The following TJP1 variants were observed in gnomAD, a reference collection of about 807,000 sequenced individuals.
TJP1 encodes the protein tight junction protein ZO-1.
A neutral mutation model predicts 194.2 loss-of-function variants in TJP1; 43 were observed. The ratio of observed to expected loss-of-function variants is 0.22; its 90% CI spans 0.17 to 0.29. The LOEUF (loss-of-function observed/expected upper bound fraction) is 0.29. Among genes scored for constraint, TJP1 ranks in the 10% least tolerant of loss-of-function variants. The pLI is 1.00. For missense variants in TJP1, 1,971 were observed against 2,185.7 expected (o/e 0.90, Z 1.96); for synonymous variants, 801 against 779.0 (o/e 1.03, Z -0.47).
intron 2 of TJP1, among the ~76,000 whole-genome samples, chr15:29,800,116 AATTGAT>A (rs2048686548): frequency 6.6e-6 from 1 of 152,210 alleles, no homozygotes; most frequent in Admixed American, 6.5e-5. Flanking sequence ...CCAGAATTCA[AATTGAT>A]AGCAGTCTCA....
intron 2 of TJP1, among the ~76,000 whole-genome samples, chr15:29,800,265 G>C (rs1179171507): frequency 2.0e-5 from 3 of 152,104 alleles, no homozygotes; most frequent in Admixed American, 2.0e-4. Flanking sequence ...TATCTTTTAG[G>C]ATTTTATTAT....
intron 2 of TJP1, among the ~76,000 whole-genome samples, chr15:29,858,910 C>T (rs1001538074): frequency 6.6e-6 from 1 of 152,030 alleles, no homozygotes; most frequent in Non-Finnish European, 1.5e-5. Context: ...CCAGGCTTGT[C>T]TCAAACTCCT....
chr15:29,816,575 C>T (rs1389206053), intron 1 of TJP1, among the ~76,000 whole-genome samples: 5 of 152,172 alleles, frequency 3.3e-5, no homozygotes, highest in African/African-American at 1.2e-4. Context: ...ACTTCAGTGA[C>T]TTCTCACAAA....
At chr15:29,875,127 T>C (rs1307032997) in intron 2 of TJP1, among the ~76,000 whole-genome samples, 1 of 152,184 alleles carries the variant, frequency 6.6e-6, no homozygotes, top group Non-Finnish European at 1.5e-5. Context: ...ACCCATCAGT[T>C]ACCTAGCAGT....
At position 29,855,493 on chromosome 15, in the gene TJP1, G is replaced by A. The variant is rs184124778; in HGVS notation, c.307-54791C>T. Among the ~76,000 whole-genome samples, 14 of 152,166 alleles carry A rather than the reference G, an allele frequency of 9.2e-5. No individual in the cohort carries two copies. In the East Asian group the frequency reaches 2.1e-3, roughly 23 times the overall value. The stretch of plus-strand genomic sequence containing the variant: ...TTGTATACATGTATCAAAATAGCAC[G>A]TGTAGCTCCAAAATATGTCAACTAT... On this transcript the variant is annotated intron_variant, in intron 2 of 28. Coordinates refer to the TJP1 transcript ENST00000356107.
At position 29,822,034 on chromosome 15, in the gene TJP1, C is replaced by G. The variant is rs1471320975; in HGVS notation, c.-6G>C. 1 of 1,349,058 alleles carries G rather than the reference C, an allele frequency of 7.4e-7. No individual in the cohort carries two copies. The highest frequency in any genetic ancestry group is 9.6e-7 in the Non-Finnish European group (1 of 1,047,068). 83.6% of individuals were successfully genotyped at this position (1,349,058 alleles called of 1,614,324 possible). ...GCCGCAGCTCTGGCGGACATCTTGT[C>G]TCTCTCCAGCGCCGCGCGAGGCTCC... On this transcript the variant is annotated 5_prime_UTR_variant, in exon 1 of 28. Transcript: ENST00000614355.
chr15:29,845,727 C>A (rs890055327), intron 2 of TJP1, among the ~76,000 whole-genome samples: 6 of 152,248 alleles, frequency 3.9e-5, no homozygotes, highest in African/African-American at 1.4e-4. Context: ...TGGCGTGAAA[C>A]CGGGAGGCGG....
intron 2 of TJP1, among the ~76,000 whole-genome samples, chr15:29,797,202 G>A (rs374026598): frequency 2.0e-5 from 3 of 152,282 alleles, no homozygotes; most frequent in African/African-American, 7.2e-5. Context: ...ATGCTGGAGT[G>A]CAGTGGCACG....
intron 2 of TJP1, among the ~76,000 whole-genome samples, chr15:29,869,589 A>C (rs961168628): frequency 6.6e-6 from 1 of 152,020 alleles, no homozygotes; most frequent in Admixed American, 6.6e-5. Flanking sequence ...CATCCTTCCT[A>C]CTGTGGTCAA....
At chr15:29,911,130 T>G (rs1305684717) in intron 2 of TJP1, among the ~76,000 whole-genome samples, 2 of 152,190 alleles carry the variant, frequency 1.3e-5, no homozygotes, top group East Asian at 3.8e-4. Context: ...CATTGGTATC[T>G]CTCATGAAAC....
At chr15:29,936,530 C>G (rs1043854615) in intron 2 of TJP1, among the ~76,000 whole-genome samples, 2 of 152,144 alleles carry the variant, frequency 1.3e-5, no homozygotes, top group Non-Finnish European at 2.9e-5. Context: ...GCCGGCTCTC[C>G]AAACTGAGGC....
chr15:29,803,813 A>C (rs1281072530), intron 1 of TJP1, among the ~76,000 whole-genome samples: 1 of 152,116 alleles, frequency 6.6e-6, no homozygotes, highest in Non-Finnish European at 1.5e-5. Context: ...CATCAAAATC[A>C]ATATAGTTTT....
intron 1 of TJP1, among the ~76,000 whole-genome samples, chr15:29,961,168 C>T (rs1464926120): frequency 3.9e-5 from 6 of 152,094 alleles, no homozygotes; most frequent in Admixed American, 1.3e-4. Context: ...CCTGGTACTA[C>T]TCTTCCCCAG....
At position 29,705,638 on chromosome 15, in the gene TJP1, C is replaced by T. The variant is rs1423521338; in HGVS notation, c.4958G>A (p.Gly1653Asp). 6.2e-7 allele frequency: 1 copy of T among 1,614,198 alleles called. No homozygotes were observed. Among genetic ancestry groups the T allele is most frequent in the South Asian group, 1.1e-5 (1 of 91,090 alleles). The change falls in exon 26 of 28, where the codon GGT becomes GAT. Residue 1653 changes from glycine to aspartate, a missense_variant. By Grantham distance (94) the Gly-to-Asp change is moderately conservative. Transcript: ENST00000614355. ...NGGVLSSIET[G>D]VSIIIPQGAI... ...TCCTTGAGGGATAATTATACTAACA[C>T]CAGTTTCTATGGAACTCAGCACGCC...
chr15:29,915,538 G>A (rs1221497822), intron 2 of TJP1, among the ~76,000 whole-genome samples: 8 of 152,154 alleles, frequency 5.3e-5, no homozygotes, highest in Non-Finnish European at 1.2e-4. Flanking sequence ...CATTTACTGT[G>A]ATGTAGATTT....
chr15:29,945,607 GGAGACTACTTACACT>G (rs1407577457), intron 2 of TJP1, among the ~76,000 whole-genome samples: 1 of 152,088 alleles, frequency 6.6e-6, no homozygotes, highest in Admixed American at 6.5e-5. Context: ...AGTGTGCTTG[GGAGACTACTTACACT>G]GAGCCAAGAG....
At chr15:29,953,013 T>C (rs1371446197) in intron 2 of TJP1, among the ~76,000 whole-genome samples, 2 of 152,312 alleles carry the variant, frequency 1.3e-5, no homozygotes, top group Admixed American at 1.3e-4. Flanking sequence ...TACATGATTA[T>C]ATTACAAAGT....
At chr15:29,837,170 A>G (rs1350563174) in intron 2 of TJP1, among the ~76,000 whole-genome samples, 2 of 152,268 alleles carry the variant, frequency 1.3e-5, no homozygotes, top group African/African-American at 4.8e-5. Context: ...CAGAACAACA[A>G]TAGAACTAGT....
At chr15:29,950,931 T>A (rs4779463) in intron 2 of TJP1, among the ~76,000 whole-genome samples, 67,280 of 151,890 alleles carry the variant, frequency 0.44, 15,353 homozygotes, top group East Asian at 0.79. Flanking sequence ...GCTGTATCTA[T>A]TTGACAAAGT....
Sources: gnomAD v4.1 joint callset for allele counts (sites outside exome capture counted in the v4.1 genomes callset) on GRCh38, gnomAD v4.1.1 for gene constraint, MANE v1.5 for transcripts, NCBI Gene and HGNC (gene_info 2026-07-23, HGNC 2026-07-21) for gene names.